DOK7: variants seen among roughly 807,000 people sequenced by gnomAD.
DOK7 encodes the protein docking protein 7, also known as protein Dok-7.
DOK7 carries 32 observed loss-of-function variants against 30.7 expected under a neutral mutation model. That is an observed-to-expected ratio of 1.04 (90% confidence interval 0.79 to 1.40). DOK7 has a LOEUF of 1.40. DOK7 is among the 40% of genes most tolerant of loss of function. The pLI is 0.00. For synonymous variants in DOK7, 447 were observed against 324.1 expected (o/e 1.38, Z -4.07); for missense variants, 1,007 against 699.2 (o/e 1.44, Z -4.97).
exon 8 of DOK7, chr4:3,501,109 TAGC>T (rs982049229): frequency 2.0e-6 from 1 of 490,450 alleles, no homozygotes; most frequent in Non-Finnish European, 3.6e-6. Flanking sequence ...GCAGCTCTGG[TAGC>T]TGCTGTGGCA....
rs191165057 is a variant in DOK7 at position 3,489,416 on chromosome 4, G to C, written c.653-261G>C. On this transcript the variant is annotated intron_variant, in intron 5 of 6. Coordinates refer to ENST00000340083, the MANE Select transcript of DOK7 (RefSeq NM_173660.5). Reference sequence around the variant, plus strand: ...GGAAGGAGGGGTCTGGCCGGCGTGGGGTCCTGGTGAGTGGGCAGGTGGCAG... The same window carrying C: ...GGAAGGAGGGGTCTGGCCGGCGTGGCGTCCTGGTGAGTGGGCAGGTGGCAG... Among the ~76,000 whole-genome samples the C allele has an allele frequency of 4.1e-4, 62 of 152,302 alleles. 1 individual carries two copies. The East Asian group carries it at 0.011, about 28-fold the overall frequency.
rs1167211325 is a variant in DOK7, at chr4:3,463,468, G to A, written c.55-38G>A. 2.1e-6 allele frequency: 3 copies of A among 1,432,394 alleles called. No homozygotes were observed. Among genetic ancestry groups the A allele is most frequent in the Admixed American group, 5.6e-5 (2 of 35,800 alleles). 88.7% of individuals were successfully genotyped at this position (1,432,394 alleles called of 1,614,324 possible). ...GGGGGCGCGGGGGGGGGGGGCGCGG[G>A]CGCGGGCGGCGGCTCACGCTCCCCC... On this transcript the variant is annotated intron_variant, in intron 1 of 6. Transcript: ENST00000340083.
At chr4:3,489,862 G>C in intron 6 of DOK7, 66 bp downstream of exon 6, 8 of 1,538,780 alleles carry the variant, frequency 5.2e-6, no homozygotes, top group Non-Finnish European at 7.0e-6. Context: ...AGCTCAGGAG[G>C]CATCCATGCA....
Position 3,489,150 on chromosome 4 carries a change from G to A in DOK7, c.653-527G>A, listed in dbSNP as rs546980121. 2.7e-4 allele frequency among the ~76,000 whole-genome samples: 41 copies of A among 152,240 alleles called. No homozygotes were observed. In the South Asian group the frequency reaches 3.3e-3, roughly 12 times the overall value. Reference sequence around the variant, plus strand: ...AGGGGCTAGGTGGGGCCGAGGGTCCGCAGACCACCATGCTCTGAGCCTTGG... The same window carrying A: ...AGGGGCTAGGTGGGGCCGAGGGTCCACAGACCACCATGCTCTGAGCCTTGG... On this transcript the variant is annotated intron_variant, in intron 5 of 6. Transcript: ENST00000340083.
In DOK7 at chr4:3,481,092, G is replaced by C. The variant is rs114438835; in HGVS notation, c.533-4447G>C. On this transcript the variant is annotated intron_variant, in intron 4 of 6. Transcript: ENST00000340083. Reference sequence around the variant, plus strand: ...GAAGGGCTGTGTAGGAGCCCTGTTGGGGGGGATAGGAGGCGTGAGGGTGGA... The same window carrying C: ...GAAGGGCTGTGTAGGAGCCCTGTTGCGGGGGATAGGAGGCGTGAGGGTGGA... Among the ~76,000 whole-genome samples, 1,024 of 152,172 alleles carry C rather than the reference G, an allele frequency of 6.7e-3. 12 individuals carry two copies. Among genetic ancestry groups the C allele is most frequent in the African/African-American group, 0.023 (966 of 41,490 alleles).
At chr4:3,491,303 A>C (rs1332209234) in intron 6 of DOK7, among the ~76,000 whole-genome samples, 291 of 64,658 alleles carry the variant, frequency 4.5e-3, no homozygotes, top group African/African-American at 0.02. Flanking sequence ...CCGCTCATTC[A>C]TTCCTGCCTT....
At chr4:3,486,722 AGTGGATGCACCCCTGCAGG>A (rs1727821449) in intron 5 of DOK7, among the ~76,000 whole-genome samples, 2 of 151,608 alleles carry the variant, frequency 1.3e-5, no homozygotes, top group African/African-American at 4.9e-5. Flanking sequence ...CTTCCTGCCT[AGTGGATGCACCCCTGCAGG>A]TGTCTTCCTG....
At chr4:3,490,088 T>G (rs111978301) in intron 6 of DOK7, among the ~76,000 whole-genome samples, 1 of 30,070 alleles carries the variant, frequency 3.3e-5, no homozygotes. Flanking sequence ...CTTCACCCCC[T>G]CATTCATTCC....
intron 6 of DOK7, among the ~76,000 whole-genome samples, chr4:3,490,894 T>C (rs1201357379): frequency 8.4e-6 from 1 of 119,408 alleles, no homozygotes; most frequent in Non-Finnish European, 1.7e-5. Flanking sequence ...GCTCATTAAT[T>C]TCTTCCTTCT....
exon 8 of DOK7, chr4:3,501,044 C>T (rs897985334): frequency 5.8e-6 from 4 of 693,276 alleles, no homozygotes; most frequent in Non-Finnish European, 9.1e-6. Flanking sequence ...ACCCTTCGGC[C>T]TGAAAGAGTT....
At position 3,485,541 on chromosome 4, in the gene DOK7, G is replaced by C. The variant is rs756146556; in HGVS notation, c.535G>C (p.Ala179Pro). 6 of 1,602,162 alleles carry C rather than the reference G, an allele frequency of 3.7e-6. No homozygotes were observed. In the Admixed American group the frequency reaches 5.1e-5, roughly 14 times the overall value. ...FEGGTRCGYW[A>P]GVFFLSSAEG... ...CTGTCTCTGTCCTTCCTCTGCAGGGGCTGGCGTCTTCTTCCTGTCCTCGGC... is the reference window on the plus strand; with the variant it reads ...CTGTCTCTGTCCTTCCTCTGCAGGGCCTGGCGTCTTCTTCCTGTCCTCGGC... Residue 179 changes from alanine (A) to proline (P), a missense_variant and splice_region_variant, in exon 5 of 7, where the codon GCT (alanine) becomes CCT (proline). Transcript: ENST00000340083.
chr4:3,477,100 C>T (rs114318267), intron 4 of DOK7, among the ~76,000 whole-genome samples: 1 of 152,168 alleles, frequency 6.6e-6, no homozygotes, highest in African/African-American at 2.4e-5. Flanking sequence ...TGAGGGAAAT[C>T]GGAGCAGGAA....
chr4:3,483,593 G>C lies in DOK7; in HGVS notation c.533-1946G>C, dbSNP rs1464769431. Among the ~76,000 whole-genome samples the C allele has an allele frequency of 2.0e-5, 3 of 152,348 alleles. No homozygotes were observed. The East Asian group carries it at 5.8e-4, about 29-fold the overall frequency. On this transcript the variant is annotated intron_variant, in intron 4 of 6. Coordinates refer to ENST00000340083, the MANE Select transcript of DOK7 (RefSeq NM_173660.5). The stretch of plus-strand genomic sequence containing the variant: ...GCCCGGTTGACCGTGTCTTCGGGGT[G>C]AGTGACGCTCCGCAGACGCCGCATG...
chr4:3,473,861 A>T (rs1231984789), intron 3 of DOK7, among the ~76,000 whole-genome samples: 1 of 152,116 alleles, frequency 6.6e-6, no homozygotes, highest in East Asian at 1.9e-4. Flanking sequence ...CCCTAGCCTG[A>T]CCGTTAGTTA....
intron 2 of DOK7, among the ~76,000 whole-genome samples, chr4:3,469,183 G>A (rs540641021): frequency 1.3e-5 from 2 of 151,622 alleles, no homozygotes; most frequent in South Asian, 4.2e-4. Context: ...GTGCGTCTGT[G>A]TGAGTGTGCA....
chr4:3,476,110 G>A (rs1727037735), intron 3 of DOK7, among the ~76,000 whole-genome samples: 1 of 144,102 alleles, frequency 6.9e-6, no homozygotes, highest in Non-Finnish European at 1.5e-5. Context: ...TGTCCACAGT[G>A]GCCCCTGTTG....
chr4:3,497,147 G>A (rs1728953849), downstream of DOK7, among the ~76,000 whole-genome samples: 1 of 152,060 alleles, frequency 6.6e-6, no homozygotes, highest in African/African-American at 2.4e-5. Context: ...TAGAGGGCAG[G>A]CTGCTGGAGG....
chr4:3,496,082 G>T (rs561446207), downstream of DOK7, among the ~76,000 whole-genome samples: 5 of 152,214 alleles, frequency 3.3e-5, no homozygotes, highest in African/African-American at 1.2e-4. Context: ...ACCCATGTGG[G>T]ACATTGTCTT....
At position 3,489,811 on chromosome 4, in the gene DOK7, T is replaced by TG. The variant is rs1424809384; in HGVS notation, c.772+16dup. On this transcript the variant is annotated intron_variant, in intron 6 of 6. Coordinates refer to ENST00000340083, the MANE Select transcript of DOK7 (RefSeq NM_173660.5). Reference sequence around the variant, plus strand: ...GGGCAGTGGAGGTAGGGCCGGGGGCTGACCTGGGCTGTGGGACCTCGGCTA... The same window carrying TG: ...GGGCAGTGGAGGTAGGGCCGGGGGCTGGACCTGGGCTGTGGGACCTCGGCTA... The TG allele has an allele frequency of 1.3e-6, 2 of 1,565,820 alleles. No individual in the cohort carries two copies. Among genetic ancestry groups the TG allele is most frequent in the Non-Finnish European group, 1.7e-6 (2 of 1,154,824 alleles).
Sources: gnomAD v4.1 joint callset for allele counts (sites outside exome capture counted in the v4.1 genomes callset) on GRCh38, gnomAD v4.1.1 for gene constraint, MANE v1.5 for transcripts, NCBI Gene and HGNC (gene_info 2026-07-23, HGNC 2026-07-21) for gene names.